RTN4: variants seen among roughly 807,000 people sequenced by gnomAD.
RTN4 encodes reticulon 4.
In RTN4, 32 loss-of-function variants were observed where a neutral mutation model predicts 90.4. The observed-to-expected ratio is 0.35, with a 90% CI of 0.27 to 0.48. The LOEUF (loss-of-function observed/expected upper bound fraction) is 0.48, where lower values mean the gene tolerates loss of function less well. Ranked by LOEUF, RTN4 falls within the 20% of genes least tolerant of loss-of-function variation. RTN4 has a pLI of 0.99. For synonymous variants in RTN4, 629 were observed against 552.5 expected (o/e 1.14, Z -1.94); for missense variants, 1,706 against 1,430.2 (o/e 1.19, Z -3.11).
At chr2:54,992,886 G>A (rs1181022546) in intron 3 of RTN4, among the ~76,000 whole-genome samples, 4 of 151,818 alleles carry the variant, frequency 2.6e-5, no homozygotes, top group Middle Eastern at 3.4e-3. Flanking sequence ...TTCCTAACAC[G>A]GTGAAACCCC....
At chr2:54,973,262 CA>C (rs1224470864) in intron 8 of RTN4, 64 bp from the exon 9 acceptor site, 1 of 1,295,456 alleles carries the variant, frequency 7.7e-7, no homozygotes, top group African/African-American at 1.5e-5. Context: ...TACCATCTTC[CA>C]AGAACTACTT....
intron 1 of RTN4, among the ~76,000 whole-genome samples, chr2:55,046,614 G>A (rs1359013669): frequency 6.6e-6 from 1 of 152,026 alleles, no homozygotes; most frequent in Non-Finnish European, 1.5e-5. Context: ...TTATTTATGT[G>A]CTTATTATCT....
chr2:55,010,435 C>A, intron 3 of RTN4: 1 of 999,814 alleles, frequency 1.0e-6, no homozygotes, highest in Non-Finnish European at 1.3e-6. Flanking sequence ...AGGGAGAGGG[C>A]AGGCTACCAA....
upstream of RTN4, among the ~76,000 whole-genome samples, chr2:55,113,100 A>C (rs113180336): frequency 3.0e-4 from 46 of 152,288 alleles, no homozygotes; most frequent in African/African-American, 9.6e-4. Flanking sequence ...CTGGTGTGAG[A>C]AGGAGGAAGA....
At chr2:55,044,751 T>C (rs1198753535) in intron 1 of RTN4, among the ~76,000 whole-genome samples, 1 of 142,598 alleles carries the variant, frequency 7.0e-6, no homozygotes, top group East Asian at 2.0e-4. Flanking sequence ...CATCACTTCA[T>C]TTTAAAAAGG....
intron 1 of RTN4, chr2:55,080,743 A>C (rs1668696147): frequency 6.6e-6 from 1 of 152,230 alleles, no homozygotes; most frequent in Non-Finnish European, 1.5e-5. Context: ...CTAACTGGGC[A>C]TATGACCCTT....
At chr2:55,124,759 A>C in the RTN4 span, among the ~76,000 whole-genome samples, 1 of 152,248 alleles carries the variant, frequency 6.6e-6, no homozygotes, top group African/African-American at 2.4e-5. Flanking sequence ...TAGTGAAGGC[A>C]ATCCTAAGCA....
intron 1 of RTN4, among the ~76,000 whole-genome samples, chr2:55,038,752 C>G (rs1558839566): frequency 6.6e-6 from 1 of 152,168 alleles, no homozygotes; most frequent in Non-Finnish European, 1.5e-5. Flanking sequence ...ATTCTACTCT[C>G]AAGTATTTAC....
At chr2:55,013,365 A>G (rs917748624) in intron 3 of RTN4, among the ~76,000 whole-genome samples, 2 of 152,128 alleles carry the variant, frequency 1.3e-5, no homozygotes, top group Non-Finnish European at 2.9e-5. Context: ...TCAAAGATGA[A>G]AACTTGCCCA....
chr2:55,135,208 G>T, the RTN4 span, among the ~76,000 whole-genome samples: 1 of 109,136 alleles, frequency 9.2e-6, no homozygotes, highest in African/African-American at 3.2e-5. Context: ...TGTTTTTTTG[G>T]TTTTTTTTTT....
intron 3 of RTN4, among the ~76,000 whole-genome samples, chr2:55,001,387 C>T (rs1446260158): frequency 6.6e-6 from 1 of 152,200 alleles, no homozygotes; most frequent in Non-Finnish European, 1.5e-5. Flanking sequence ...TAGTAACCAA[C>T]ACTATTTGAG....
intron 5 of RTN4, among the ~76,000 whole-genome samples, chr2:54,977,236 G>A (rs1217237661): frequency 2.6e-5 from 4 of 152,164 alleles, no homozygotes; most frequent in Non-Finnish European, 4.4e-5. Context: ...TCATTCATTA[G>A]TTGGTAGTTT....
intron 1 of RTN4, among the ~76,000 whole-genome samples, chr2:55,104,539 C>A (rs1232893624): frequency 6.6e-6 from 1 of 151,842 alleles, no homozygotes; most frequent in African/African-American, 2.4e-5. Context: ...TTAATAGAGA[C>A]AGGATTTCAC....
At chr2:54,982,488 C>G in intron 5 of RTN4, 27 bp downstream of exon 5, 2 of 1,598,530 alleles carry the variant, frequency 1.3e-6, no homozygotes, top group South Asian at 1.1e-5. Context: ...CTGGGTATAT[C>G]AAAAATGAAA....
At chr2:54,997,935 A>G (rs1439999231) in intron 3 of RTN4, among the ~76,000 whole-genome samples, 2 of 152,198 alleles carry the variant, frequency 1.3e-5, no homozygotes, top group Non-Finnish European at 2.9e-5. Context: ...CAGTATATAT[A>G]GGGTTCAGTC....
At chr2:55,044,651 T>A (rs1683294067) in intron 1 of RTN4, among the ~76,000 whole-genome samples, 1 of 151,856 alleles carries the variant, frequency 6.6e-6, no homozygotes, top group South Asian at 2.1e-4. Flanking sequence ...ACATGGCAAA[T>A]CCTTTAAGTT....
intron 5 of RTN4, among the ~76,000 whole-genome samples, chr2:54,981,260 G>A (rs1245154481): frequency 6.6e-6 from 1 of 151,298 alleles, no homozygotes; most frequent in Non-Finnish European, 1.5e-5. Flanking sequence ...CAACTACTAG[G>A]TTATAAAGGC....
At chr2:55,115,585 C>T (rs552744626), upstream of RTN4, among the ~76,000 whole-genome samples, 3 of 152,174 alleles carry the variant, frequency 2.0e-5, no homozygotes, top group Non-Finnish European at 2.9e-5. Flanking sequence ...TCATGAGAAA[C>T]GAAGGCTGGG....
At chr2:54,998,475 A>G (rs1370928707) in intron 3 of RTN4, among the ~76,000 whole-genome samples, 2 of 152,198 alleles carry the variant, frequency 1.3e-5, no homozygotes, top group Non-Finnish European at 2.9e-5. Flanking sequence ...TGATTTATTT[A>G]AAAAATGTTT....
Sources: allele counts gnomAD v4.1 joint callset (sites outside exome capture counted in the v4.1 genomes callset), GRCh38; gene constraint gnomAD v4.1.1; transcripts MANE v1.5; gene names NCBI Gene and HGNC (gene_info 2026-07-23, HGNC 2026-07-21).